The following ASCC1 variants were observed in gnomAD, a reference collection of about 807,000 sequenced individuals.
ASCC1 encodes ASC-1 complex subunit P50.
ASCC1 carries 35 observed loss-of-function variants against 46.6 expected under a neutral mutation model. The ratio of observed to expected loss-of-function variants is 0.75; its 90% CI spans 0.57 to 0.99. ASCC1 has a LOEUF of 0.99. ASCC1 is among the 50% of genes least tolerant of loss of function. The pLI is 0.00. For missense variants in ASCC1, 376 were observed against 428.7 expected, an observed-to-expected ratio of 0.88 and a Z score of 1.09; for synonymous variants, 143 against 146.6, an observed-to-expected ratio of 0.98 and a Z score of 0.18.
intron 9 of ASCC1, chr10:72,102,559 T>C: frequency 3.0e-6 from 2 of 672,172 alleles, no homozygotes; most frequent in South Asian, 1.6e-5. Flanking sequence ...TCCTCTAGTT[T>C]GTCACTTGTC....
chr10:72,190,571 C>T, intron 5 of ASCC1: 5 of 1,357,190 alleles, frequency 3.7e-6, no homozygotes, highest in Non-Finnish European at 5.1e-6. Context: ...CCACCATTAT[C>T]GCTAATATAA....
intron 9 of ASCC1, among the ~76,000 whole-genome samples, chr10:72,124,941 T>C (rs982499365): frequency 4.6e-5 from 7 of 152,184 alleles, no homozygotes; most frequent in Non-Finnish European, 8.8e-5. Context: ...CAGTTCTTAA[T>C]TCAAAGTCTT....
intron 9 of ASCC1, among the ~76,000 whole-genome samples, chr10:72,098,540 G>A (rs1841361393): frequency 6.6e-6 from 1 of 152,210 alleles, no homozygotes; most frequent in African/African-American, 2.4e-5. Context: ...AAAGGCTTGT[G>A]ACACATGTCC....
At chr10:72,168,656 G>A (rs1202950509) in intron 5 of ASCC1, among the ~76,000 whole-genome samples, 1 of 152,168 alleles carries the variant, frequency 6.6e-6, no homozygotes, top group Admixed American at 6.5e-5. Context: ...GGGCCTTTTG[G>A]GGATAAAGTT....
intron 3 of ASCC1, among the ~76,000 whole-genome samples, chr10:72,206,584 G>A (rs926092783): frequency 2.0e-5 from 3 of 152,084 alleles, no homozygotes; most frequent in Non-Finnish European, 4.4e-5. Context: ...TAAGCATACC[G>A]GGAGAAGGAC....
At chr10:72,181,027 ACG>A (rs1311268672) in intron 5 of ASCC1, 1 of 153,474 alleles carries the variant, frequency 6.5e-6, no homozygotes, top group African/African-American at 2.4e-5. Flanking sequence ...GTGCGGTGGC[ACG>A]ATCTTGGCTC....
chr10:72,216,494 C>G (rs1217821913), upstream of ASCC1, among the ~76,000 whole-genome samples: 3 of 125,594 alleles, frequency 2.4e-5, no homozygotes, highest in African/African-American at 8.7e-5. Context: ...CCCCCCCCCC[C>G]CGTTACAGCT....
In ASCC1 at chr10:72,136,616, G is replaced by A. The variant is rs565529523; in HGVS notation, c.747-3435C>T. 2.0e-5 allele frequency among the ~76,000 whole-genome samples: 3 copies of A among 152,286 alleles called. No individual in the cohort carries two copies. In the East Asian group the frequency reaches 5.8e-4, roughly 29 times the overall value. On this transcript the variant is annotated intron_variant, in intron 7 of 9. Coordinates refer to ENST00000672957, the MANE Select transcript of ASCC1 (RefSeq NM_001198800.3). Reference sequence around the variant, plus strand: ...AAATAAGGGATAAAAATAAAAGCTGGCCACCCAAGCCAGCAGCAGCAACCC... The same window carrying A: ...AAATAAGGGATAAAAATAAAAGCTGACCACCCAAGCCAGCAGCAGCAACCC...
rs577665459 is a variant in ASCC1 at position 72,110,923 on chromosome 10, ATCAACTAAGTTATTT to A, written c.958-13488_958-13474del. 1.1e-3 allele frequency among the ~76,000 whole-genome samples: 172 copies of A among 152,362 alleles called. 1 individual carries two copies. The highest frequency in any genetic ancestry group is 3.9e-3 in the African/African-American group (164 of 41,580). On this transcript the variant is annotated intron_variant, in intron 9 of 9. Coordinates refer to ENST00000672957, the MANE Select transcript of ASCC1 (RefSeq NM_001198800.3). Reference sequence around the variant, plus strand: ...GAGGGGAGAGAGGCTGCCACATGTTATCAACTAAGTTATTTTCAACTAAGTTACCTCATTAGACGG... The same window carrying A: ...GAGGGGAGAGAGGCTGCCACATGTTATCAACTAAGTTACCTCATTAGACGG...
chr10:72,107,261 G>A (rs1564579676), intron 9 of ASCC1, among the ~76,000 whole-genome samples: 2 of 151,634 alleles, frequency 1.3e-5, no homozygotes, highest in Non-Finnish European at 1.5e-5. Flanking sequence ...CACTTTATTG[G>A]GAGTTAAGTC....
At chr10:72,195,139 G>T (rs1193953089) in intron 5 of ASCC1, among the ~76,000 whole-genome samples, 10 of 61,038 alleles carry the variant, frequency 1.6e-4, no homozygotes, top group East Asian at 9.9e-4. Flanking sequence ...TTTTTGCTGT[G>T]TTTTTTTTTT....
chr10:72,168,343 T>C (rs1850636319), intron 5 of ASCC1, among the ~76,000 whole-genome samples: 1 of 152,194 alleles, frequency 6.6e-6, no homozygotes, highest in African/African-American at 2.4e-5. Context: ...ATTTTGCTCA[T>C]TTAAAAAATG....
chr10:72,180,490 G>A (rs1852441643), intron 5 of ASCC1, among the ~76,000 whole-genome samples: 1 of 151,956 alleles, frequency 6.6e-6, no homozygotes, highest in South Asian at 2.1e-4. Context: ...GCCAAGTGTG[G>A]TGGTGTGTGC....
At chr10:72,177,884 C>T (rs1404328860) in intron 5 of ASCC1, among the ~76,000 whole-genome samples, 1 of 152,136 alleles carries the variant, frequency 6.6e-6, no homozygotes, top group African/African-American at 2.4e-5. Flanking sequence ...CTGTGAGCAG[C>T]TAAATCCTAC....
intron 5 of ASCC1, among the ~76,000 whole-genome samples, chr10:72,175,797 CAT>C (rs1851789933): frequency 6.6e-6 from 1 of 152,210 alleles, no homozygotes; most frequent in African/African-American, 2.4e-5. Flanking sequence ...ACTATTCCTC[CAT>C]AGTTACTTGA....
chr10:72,196,192 T>C (rs1407943994), intron 5 of ASCC1, among the ~76,000 whole-genome samples: 1 of 152,000 alleles, frequency 6.6e-6, no homozygotes, highest in Non-Finnish European at 1.5e-5. Context: ...AGTCAGAAGA[T>C]CTACAGATAA....
intron 6 of ASCC1, among the ~76,000 whole-genome samples, chr10:72,157,303 A>C (rs1849101752): frequency 6.6e-6 from 1 of 152,176 alleles, no homozygotes; most frequent in Admixed American, 6.5e-5. Context: ...AAAGATTGCC[A>C]CTGAATCCTA....
chr10:72,212,846 T>C (rs1835158132), intron 2 of ASCC1, among the ~76,000 whole-genome samples: 1 of 151,932 alleles, frequency 6.6e-6, no homozygotes, highest in South Asian at 2.1e-4. Context: ...AGACTCCATC[T>C]CAAATAATAA....
chr10:72,149,946 G>C (rs1848128363), intron 7 of ASCC1, among the ~76,000 whole-genome samples: 1 of 152,144 alleles, frequency 6.6e-6, no homozygotes. Flanking sequence ...AGCACTTTGG[G>C]AGGCCGAGGC....
Sources: allele counts gnomAD v4.1 joint callset (sites outside exome capture counted in the v4.1 genomes callset), GRCh38; gene constraint gnomAD v4.1.1; transcripts MANE v1.5; gene names NCBI Gene and HGNC (gene_info 2026-07-23, HGNC 2026-07-21).